WNT4: variants seen among roughly 807,000 people sequenced by gnomAD.
The protein encoded by WNT4 is protein Wnt-4.
A neutral mutation model predicts 34.5 loss-of-function variants in WNT4; 16 were observed. That is an observed-to-expected ratio of 0.46 (90% CI 0.31 to 0.70). The LOEUF (loss-of-function observed/expected upper bound fraction) is 0.70, where lower values mean the gene tolerates loss of function less well. Ranked by LOEUF, WNT4 falls within the 30% of genes least tolerant of loss-of-function variation. The pLI is 0.04. For missense variants in WNT4, 379 were observed against 495.9 expected, an observed-to-expected ratio of 0.76 and a Z score of 2.24; for synonymous variants, 200 against 211.9, an observed-to-expected ratio of 0.94 and a Z score of 0.49.
intron 2 of WNT4, chr1:22,127,360 G>A (rs777682738): frequency 7.5e-6 from 4 of 533,010 alleles, no homozygotes; most frequent in South Asian, 2.8e-5. Flanking sequence ...GAGTACCCAC[G>A]ATGGCTTCAG....
chr1:22,121,428 C>A lies in WNT4; in HGVS notation c.445+17G>T, dbSNP rs761509207. The A allele has an allele frequency of 6.2e-7, 1 of 1,613,950 alleles. No homozygotes were observed. Among genetic ancestry groups the A allele is most frequent in the South Asian group, 1.1e-5 (1 of 91,082 alleles). On this transcript the variant is annotated intron_variant, in intron 3 of 4. Transcript: ENST00000290167. ...CAAGCCCCCTGCCCTCCCACTCTGACCACCTCCTGCACCTACCCTGTGGGC... is the reference window on the plus strand; with the variant it reads ...CAAGCCCCCTGCCCTCCCACTCTGAACACCTCCTGCACCTACCCTGTGGGC...
intron 2 of WNT4, among the ~76,000 whole-genome samples, chr1:22,128,766 C>T (rs903572739): frequency 4.0e-5 from 6 of 151,728 alleles, no homozygotes; most frequent in Admixed American, 3.9e-4. Context: ...GTCTCCCAGG[C>T]TGGAGTGCAG....
chr1:22,138,166 G>T (rs1570115982), intron 1 of WNT4, among the ~76,000 whole-genome samples: 2 of 152,340 alleles, frequency 1.3e-5, no homozygotes, highest in Admixed American at 1.3e-4. Context: ...ATAGGCAGGG[G>T]ATGAAAGCTG....
Position 22,142,836 on chromosome 1 carries a change from C to A in WNT4, c.77+10G>T. 1 of 1,200,038 alleles carries A rather than the reference C, an allele frequency of 8.3e-7. No individual in the cohort carries two copies. Among genetic ancestry groups the A allele is most frequent in the Non-Finnish European group, 1.1e-6 (1 of 940,472 alleles). The allele number at this position is 1,200,038 out of a possible 1,614,324, so 74.3% of individuals were successfully genotyped here. ...CCCGCCCCGCCCCGCTCGGCCCCGG[C>A]CAGACTTACAGCCAGTTGCTCGCGG... On this transcript the variant is annotated intron_variant, in intron 1 of 4. Coordinates refer to ENST00000290167, the MANE Select transcript of WNT4 (RefSeq NM_030761.5). This position sits in a 1 kb window ranked among gnomAD's most constrained non-coding sequence, Gnocchi z 6.0.
chr1:22,125,476 C>T (rs991255467), intron 2 of WNT4, among the ~76,000 whole-genome samples: 1 of 152,162 alleles, frequency 6.6e-6, no homozygotes, highest in African/African-American at 2.4e-5. Flanking sequence ...GAGGGACGCC[C>T]AAGACCACAG....
Position 22,117,997 on chromosome 1 carries a change from A to C in WNT4, c.*2053T>G, listed in dbSNP as rs4655023. The C allele has an allele frequency of 0.94, 142,708 of 152,298 alleles. 67,000 individuals carry two copies. The highest frequency in any genetic ancestry group is 1 in the East Asian group (5,163 of 5,166). 9.4% of individuals were successfully genotyped at this position (152,298 alleles called of 1,614,324 possible). On this transcript the variant is annotated 3_prime_UTR_variant, in exon 5 of 5. Coordinates refer to ENST00000290167, the MANE Select transcript of WNT4 (RefSeq NM_030761.5). Reference sequence around the variant, plus strand: ...GCTGGGCAGCTGTGGCGACAGTTGGATCAGCTTTCATCCACATCAGAGCTG... The same window carrying C: ...GCTGGGCAGCTGTGGCGACAGTTGGCTCAGCTTTCATCCACATCAGAGCTG...
intron 2 of WNT4, chr1:22,126,888 T>TGC (rs1450410655): frequency 4.5e-6 from 1 of 220,592 alleles, no homozygotes. Context: ...CTCAGGGGAG[T>TGC]GCAGGCACTT....
Position 22,121,488 on chromosome 1 carries a change from C to A in WNT4, c.402G>T (p.Glu134Asp). Residue 134 changes from glutamate to aspartate, a missense_variant, in exon 3 of 5, where the codon GAG (glutamate) becomes GAT (aspartate). Coordinates refer to ENST00000290167, the MANE Select transcript of WNT4 (RefSeq NM_030761.5). ...GCACTGTCCTGTCACAGCCGCACTT[C>A]TCCAGCTCCCCACTGCTGCACGCCC... The part of the protein sequence containing the change: ...VTRACSSGEL[E>D]KCGCDRTVHG... 6.2e-7 allele frequency: 1 copy of A among 1,614,104 alleles called. No individual in the cohort carries two copies. Among genetic ancestry groups the A allele is most frequent in the Non-Finnish European group, 8.5e-7 (1 of 1,180,036 alleles).
Position 22,121,265 on chromosome 1 carries a change from C to T in WNT4, c.534G>A (p.Gly178=). Reference sequence around the variant, plus strand: ...TCATGAGGGCTCTGCTGGACGAGGCCCCCTTGCTTCTCTCCCGCACATCCA... The same window carrying T: ...TCATGAGGGCTCTGCTGGACGAGGCTCCCTTGCTTCTCTCCCGCACATCCA... ...SFVDVRERSK[G]ASSSRALMNL... Residue 178 remains glycine (G), a synonymous_variant, in exon 4 of 5, where the codon GGG becomes GGA. Coordinates refer to ENST00000290167, the MANE Select transcript of WNT4 (RefSeq NM_030761.5). 6.2e-7 allele frequency: 1 copy of T among 1,614,158 alleles called. No homozygotes were observed. The highest frequency in any genetic ancestry group is 1.3e-5 in the African/African-American group (1 of 75,032).
intron 2 of WNT4, among the ~76,000 whole-genome samples, chr1:22,123,575 C>T (rs1645918628): frequency 2.0e-5 from 3 of 152,202 alleles, no homozygotes; most frequent in Admixed American, 2.0e-4. Context: ...ATACTTGTCC[C>T]AACAACCCTA....
chr1:22,136,618 ACAGGGCTG>A (rs754434127), intron 1 of WNT4, among the ~76,000 whole-genome samples: 13 of 152,158 alleles, frequency 8.5e-5, no homozygotes, highest in African/African-American at 1.4e-4. Context: ...GGCTGGGGGT[ACAGGGCTG>A]CAGGGCTGCA....
chr1:22,138,514 G>A (rs750577101), intron 1 of WNT4, among the ~76,000 whole-genome samples: 4 of 152,108 alleles, frequency 2.6e-5, no homozygotes, highest in African/African-American at 9.7e-5. Context: ...TAAGTATCCC[G>A]CAATGCACAG....
intron 2 of WNT4, among the ~76,000 whole-genome samples, chr1:22,127,772 A>G (rs372888240): frequency 5.3e-5 from 8 of 152,344 alleles, no homozygotes; most frequent in African/African-American, 1.9e-4. Flanking sequence ...TGATTTTAAA[A>G]AAATCCCACA....
chr1:22,136,423 A>G (rs1349652831), intron 1 of WNT4, among the ~76,000 whole-genome samples: 1 of 152,198 alleles, frequency 6.6e-6, no homozygotes, highest in East Asian at 1.9e-4. Flanking sequence ...GAGGAGGGAC[A>G]GGTGAAACCC....
rs927306462 is a variant in WNT4, at chr1:22,129,835, A to T, written c.94T>A (p.Ser32Thr). The T allele has an allele frequency of 1.2e-6, 2 of 1,613,760 alleles. No individual in the cohort carries two copies. The highest frequency in any genetic ancestry group is 1.3e-5 in the African/African-American group (1 of 74,996). Residue 32 changes from serine (S) to threonine (T), a missense_variant, in exon 2 of 5, where the codon TCG (serine) becomes ACG (threonine). Coordinates refer to ENST00000290167, the MANE Select transcript of WNT4 (RefSeq NM_030761.5). ...TCCTCTGAGATGCTCCCCACCGACG[A>T]CAGCTTGGCCAGGTACCTGGGGAGA... The part of the protein sequence containing the change: ...ASNWLYLAKL[S>T]SVGSISEEET...
At chr1:22,141,621 C>T (rs973811050) in intron 1 of WNT4, among the ~76,000 whole-genome samples, 52 of 152,216 alleles carry the variant, frequency 3.4e-4, no homozygotes, top group African/African-American at 1.2e-3. Context: ...CGTTTGCTCT[C>T]GGAACAGCTG....
rs756989716 is a variant in WNT4 at position 22,121,373 on chromosome 1, G to C, written c.446-20C>G. 4.3e-6 allele frequency: 7 copies of C among 1,613,906 alleles called. No individual in the cohort carries two copies. The highest frequency in any genetic ancestry group is 3.3e-4 in the Middle Eastern group (2 of 6,084). On this transcript the variant is annotated intron_variant, in intron 3 of 4. Coordinates refer to ENST00000290167, the MANE Select transcript of WNT4 (RefSeq NM_030761.5). The stretch of plus-strand genomic sequence containing the variant: ...GGAAGCCTGGGGTGTGGTGGGCACA[G>C]AAAGGGCTGCGGTGAGTGAGGGCCA...
At chr1:22,124,787 A>G (rs1645928524) in intron 2 of WNT4, among the ~76,000 whole-genome samples, 1 of 152,172 alleles carries the variant, frequency 6.6e-6, no homozygotes, top group South Asian at 2.1e-4. Flanking sequence ...GCTAAGGCTG[A>G]GTTGGACTGG....
Position 22,120,408 on chromosome 1 carries a change from G to T in WNT4, c.698C>A (p.Ala233Glu). The change falls in exon 5 of 5, where the codon GCA becomes GAA. Residue 233 changes from alanine (A) to glutamate (E), a missense_variant. Ala to Glu is a moderately radical substitution (Grantham distance 107, BLOSUM62 -1). Coordinates refer to ENST00000290167, the MANE Select transcript of WNT4 (RefSeq NM_030761.5). ...GGCACCATCAAACTTCTCCTTCAGT[G>T]CGTGACCCACCTGGCGGAAGGGCGG... ...AVPPFRQVGH[A>E]LKEKFDGATE... 1 of 1,614,018 alleles carries T rather than the reference G, an allele frequency of 6.2e-7. No individual in the cohort carries two copies. Among genetic ancestry groups the T allele is most frequent in the South Asian group, 1.1e-5 (1 of 91,086 alleles).
Sources: gnomAD v4.1 joint callset for allele counts (sites outside exome capture counted in the v4.1 genomes callset) on GRCh38, gnomAD v4.1.1 for gene constraint, Gnocchi (gnomAD v3.1) non-coding constraint, MANE v1.5 for transcripts, NCBI Gene and HGNC (gene_info 2026-07-23, HGNC 2026-07-21) for gene names.